The following TBC1D14 variants were observed in gnomAD, a reference collection of about 807,000 sequenced individuals.
The protein encoded by TBC1D14 is TBC1 domain family, member 14.
In TBC1D14, 26 loss-of-function variants were observed where a neutral mutation model predicts 79.0. That is an observed-to-expected ratio of 0.33 (90% confidence interval 0.24 to 0.46). The LOEUF (loss-of-function observed/expected upper bound fraction) is 0.46. Ranked by LOEUF, TBC1D14 falls within the 20% of genes least tolerant of loss-of-function variation. TBC1D14 has a pLI of 1.00. For synonymous variants in TBC1D14, 394 were observed against 349.9 expected, an observed-to-expected ratio of 1.13 and a Z score of -1.40; for missense variants, 769 against 887.6, an observed-to-expected ratio of 0.87 and a Z score of 1.70.
At chr4:6,992,807 C>G (rs1320834605) in intron 3 of TBC1D14, among the ~76,000 whole-genome samples, 2 of 152,120 alleles carry the variant, frequency 1.3e-5, no homozygotes, top group African/African-American at 4.8e-5. Flanking sequence ...TGTTCAGATG[C>G]TTGAATCCAG....
At position 6,978,739 on chromosome 4, in the gene TBC1D14, A is replaced by T. The variant is rs907684339; in HGVS notation, c.843+11315A>T. Among the ~76,000 whole-genome samples the T allele has an allele frequency of 8.4e-3, 620 of 73,490 alleles. 5 individuals carry two copies. Among genetic ancestry groups the T allele is most frequent in the South Asian group, 0.067 (148 of 2,206 alleles). The allele number at this position is 73,490 out of a possible 152,430, so 48.2% of individuals were successfully genotyped here. Reference sequence around the variant, plus strand: ...GAGAAACACCCAAGAATGATCAATTAAAAAAAAAAAAAAAAAAGAAAAGAA... The same window carrying T: ...GAGAAACACCCAAGAATGATCAATTTAAAAAAAAAAAAAAAAAGAAAAGAA... On this transcript the variant is annotated intron_variant, in intron 3 of 13. Transcript: ENST00000409757.
chr4:6,997,529 G>A (rs1259252511), intron 5 of TBC1D14, among the ~76,000 whole-genome samples: 1 of 152,172 alleles, frequency 6.6e-6, no homozygotes, highest in Non-Finnish European at 1.5e-5. Context: ...GGGAGGCTGA[G>A]GCAGGAGAAT....
chr4:7,025,038 G>A lies in TBC1D14; in HGVS notation c.1792G>A (p.Asp598Asn), dbSNP rs1431849936. ...CTTATATAGTAAATCTCTGCCCCTCGACCTGGCCTGTCGTATCTGGGACGT... is the reference window on the plus strand; with the variant it reads ...CTTATATAGTAAATCTCTGCCCCTCAACCTGGCCTGTCGTATCTGGGACGT... ...FTLYSKSLPLDLACRIWDVFC... is the reference protein window; with the variant it reads ...FTLYSKSLPLNLACRIWDVFC... The change falls in exon 13 of 14, where the codon GAC becomes AAC. Residue 598 changes from aspartate to asparagine, a missense_variant. By Grantham distance (23) the Asp-to-Asn change is conservative (BLOSUM62 1). Transcript: ENST00000409757. The A allele has an allele frequency of 3.1e-6, 5 of 1,613,962 alleles. No individual in the cohort carries two copies. The highest frequency in any genetic ancestry group is 2.2e-5 in the East Asian group (1 of 44,890).
chr4:6,960,335 G>A (rs892117440), intron 2 of TBC1D14, among the ~76,000 whole-genome samples: 2 of 149,182 alleles, frequency 1.3e-5, no homozygotes, highest in African/African-American at 2.5e-5. Context: ...CAAGTGATCC[G>A]CCCACCCCTG....
chr4:6,987,277 G>A (rs1365588225), intron 3 of TBC1D14: 7 of 1,334,304 alleles, frequency 5.2e-6, no homozygotes, highest in Non-Finnish European at 5.8e-6. Context: ...CGGGAGGGAG[G>A]GAGGGAGGCC....
chr4:6,997,302 A>G (rs1719158244), intron 5 of TBC1D14: 1 of 152,340 alleles, frequency 6.6e-6, no homozygotes, highest in Admixed American at 6.5e-5. Flanking sequence ...CAAATGAGGC[A>G]CTGCATGTGG....
intron 3 of TBC1D14, among the ~76,000 whole-genome samples, chr4:6,969,129 A>T (rs751911187): frequency 1.3e-5 from 2 of 152,194 alleles, no homozygotes; most frequent in Non-Finnish European, 2.9e-5. Context: ...TCACTAAGTA[A>T]ATCAGTGTTG....
chr4:6,955,325 T>C (rs1463845365), intron 2 of TBC1D14, among the ~76,000 whole-genome samples: 2 of 152,212 alleles, frequency 1.3e-5, no homozygotes, highest in African/African-American at 4.8e-5. Context: ...ATAACAGGAT[T>C]GCTATGTCCC....
At chr4:6,998,497 T>G (rs1719304079) in intron 5 of TBC1D14, among the ~76,000 whole-genome samples, 2 of 152,074 alleles carry the variant, frequency 1.3e-5, no homozygotes, top group African/African-American at 4.8e-5. Context: ...GGATGGTAAT[T>G]TCAGGGATTT....
chr4:6,946,698 A>C (rs1429599123), intron 2 of TBC1D14, among the ~76,000 whole-genome samples: 1 of 152,186 alleles, frequency 6.6e-6, no homozygotes, highest in African/African-American at 2.4e-5. Flanking sequence ...TCTCCATTCT[A>C]CAGATGGTAA....
intron 2 of TBC1D14, among the ~76,000 whole-genome samples, chr4:6,958,677 C>A (rs1050105561): frequency 2.6e-5 from 4 of 152,180 alleles, no homozygotes; most frequent in African/African-American, 9.7e-5. Flanking sequence ...TCAAGCGATC[C>A]ACCCACCTTG....
chr4:6,974,391 C>G (rs1324621952), intron 3 of TBC1D14, among the ~76,000 whole-genome samples: 9 of 152,128 alleles, frequency 5.9e-5, no homozygotes, highest in Admixed American at 5.9e-4. Context: ...ACCCAGGAAA[C>G]TAGAAAGTAC....
At chr4:7,003,085 A>G (rs1338814132) in intron 7 of TBC1D14, among the ~76,000 whole-genome samples, 1 of 152,162 alleles carries the variant, frequency 6.6e-6, no homozygotes, top group Admixed American at 6.5e-5. Flanking sequence ...ACCTAATAGT[A>G]CTATTAAAAC....
chr4:7,007,673 C>G, intron 9 of TBC1D14: 1 of 1,172,182 alleles, frequency 8.5e-7, no homozygotes, highest in Non-Finnish European at 1.1e-6. Context: ...AGGCAGTTGA[C>G]TTAGCTGGGA....
chr4:7,030,361 T>C lies in TBC1D14; in HGVS notation c.2051T>C (p.Met684Thr), dbSNP rs1384891339. The C allele has an allele frequency of 6.2e-7, 1 of 1,613,946 alleles. No individual in the cohort carries two copies. Among genetic ancestry groups the C allele is most frequent in the African/African-American group, 1.3e-5 (1 of 75,020 alleles). Residue 684 changes from methionine (M) to threonine (T), a missense_variant, in exon 14 of 14, where the codon ATG (methionine) becomes ACG (threonine). By Grantham distance (81) the Met-to-Thr change is moderately conservative (BLOSUM62 -1). This residue lies in a region of TBC1D14 where 367 missense variants were observed against 494.4 expected (regional missense o/e 0.74). Coordinates refer to ENST00000409757, the MANE Select transcript of TBC1D14 (RefSeq NM_020773.3). ...GCATTGCAGAAAGACAGCCGGGAAA[T>C]GGAGAAGGGAAGTCCGTCCCTCCGA... ...LTALQKDSRE[M>T]EKGSPSLRH
chr4:6,966,194 CT>C (rs1453311056), intron 2 of TBC1D14, among the ~76,000 whole-genome samples: 1 of 152,256 alleles, frequency 6.6e-6, no homozygotes, highest in East Asian at 1.9e-4. Context: ...AGGCTGGCTA[CT>C]GTTTCTTTTA....
At chr4:6,909,466 G>C (rs1190321755), upstream of TBC1D14, 1 of 152,244 alleles carries the variant, frequency 6.6e-6, no homozygotes, top group Admixed American at 6.5e-5. Context: ...CCTCCCGGCC[G>C]CTTCCCACTT....
intron 1 of TBC1D14, among the ~76,000 whole-genome samples, chr4:6,916,437 G>A (rs1423554130): frequency 1.3e-5 from 2 of 152,186 alleles, no homozygotes; most frequent in Non-Finnish European, 2.9e-5. Flanking sequence ...TAGATCTCTT[G>A]GTTTGGCCTT....
intron 2 of TBC1D14, among the ~76,000 whole-genome samples, chr4:6,960,507 A>T (rs138303034): frequency 6.6e-6 from 1 of 152,128 alleles, no homozygotes; most frequent in Non-Finnish European, 1.5e-5. Flanking sequence ...CAGGTGTTAC[A>T]TGGCATGCCT....
Sources: allele counts gnomAD v4.1 joint callset (sites outside exome capture counted in the v4.1 genomes callset), GRCh38; gene constraint gnomAD v4.1.1; regional missense constraint gnomAD v4.1.1; transcripts MANE v1.5; gene names NCBI Gene and HGNC (gene_info 2026-07-23, HGNC 2026-07-21).